SEPSECS: variants seen among roughly 807,000 people sequenced by gnomAD.
SEPSECS encodes Sep (O-phosphoserine) tRNA:Sec (selenocysteine) tRNA synthase, also known as O-phosphoseryl-tRNA(Sec) selenium transferase.
In SEPSECS, 42 loss-of-function variants were observed where a neutral mutation model predicts 52.1. That is an observed-to-expected ratio of 0.81 (90% CI 0.63 to 1.04). SEPSECS has a LOEUF of 1.04. SEPSECS is among the 50% of genes least tolerant of loss of function. SEPSECS has a pLI of 0.00. For synonymous variants in SEPSECS, 216 were observed against 211.4 expected (o/e 1.02, Z -0.19); for missense variants, 590 against 610.6 (o/e 0.97, Z 0.36).
chr4:25,127,231 G>T, intron 9 of SEPSECS, 33 bp downstream of exon 9: 1 of 1,364,432 alleles, frequency 7.3e-7, no homozygotes, highest in Non-Finnish European at 1.0e-6. Flanking sequence ...TGGATCATAA[G>T]TATTTGTTTT....
chr4:25,159,514 G>A (rs1298908156), intron 1 of SEPSECS: 2 of 418,214 alleles, frequency 4.8e-6, no homozygotes, highest in Non-Finnish European at 4.8e-6. Flanking sequence ...ACTCACGCCT[G>A]TAATCCGAGC....
At chr4:25,136,663 T>A (rs1285555952) in intron 8 of SEPSECS, among the ~76,000 whole-genome samples, 1 of 152,096 alleles carries the variant, frequency 6.6e-6, no homozygotes, top group Non-Finnish European at 1.5e-5. Context: ...GAGTCAATGT[T>A]ATTTTCATCA....
chr4:25,147,952 C>T (rs1712065558), intron 6 of SEPSECS, among the ~76,000 whole-genome samples: 1 of 152,152 alleles, frequency 6.6e-6, no homozygotes, highest in Non-Finnish European at 1.5e-5. Context: ...TTTGTAGCTA[C>T]AGGACCTTAG....
At chr4:25,157,693 C>T (rs371770894) in intron 2 of SEPSECS, among the ~76,000 whole-genome samples, 3 of 151,948 alleles carry the variant, frequency 2.0e-5, no homozygotes, top group Non-Finnish European at 2.9e-5. Flanking sequence ...TACAGGCGCC[C>T]GCCACCACGC....
Position 25,156,029 on chromosome 4 carries a change from T to G in SEPSECS, c.547+8A>C. On this transcript the variant is annotated splice_region_variant and intron_variant, in intron 4 of 10. Coordinates refer to ENST00000382103, the MANE Select transcript of SEPSECS (RefSeq NM_016955.4). ...TGTTTAAAACATTATGTATGACACT[T>G]CTCTTACCTGCAGTGATCATGGATT... The G allele has an allele frequency of 1.9e-6, 3 of 1,610,820 alleles. No individual in the cohort carries two copies. Among genetic ancestry groups the G allele is most frequent in the Non-Finnish European group, 2.5e-6 (3 of 1,177,064 alleles).
At chr4:25,142,236 C>A (rs946279253) in intron 8 of SEPSECS, among the ~76,000 whole-genome samples, 5 of 152,134 alleles carry the variant, frequency 3.3e-5, no homozygotes, top group African/African-American at 1.2e-4. Flanking sequence ...AAGATCACGC[C>A]ACTGCACTGC....
rs146350124 is a variant in SEPSECS, at chr4:25,129,685, T to C, written c.1027-2328A>G. On this transcript the variant is annotated intron_variant, in intron 8 of 10. Coordinates refer to ENST00000382103, the MANE Select transcript of SEPSECS (RefSeq NM_016955.4). ...GGATTACACCTGGCCCTGGTCCCTC[T>C]TTCTTAACCCAATATTCCCATACTA... Among the ~76,000 whole-genome samples, 301 of 152,072 alleles carry C rather than the reference T, an allele frequency of 2.0e-3. 1 individual carries two copies. Among genetic ancestry groups the C allele is most frequent in the South Asian group, 0.02 (95 of 4,816 alleles).
chr4:25,125,519 C>A, intron 10 of SEPSECS, 175 bp downstream of exon 10: 1 of 638,588 alleles, frequency 1.6e-6, no homozygotes, highest in African/African-American at 1.8e-5. Context: ...ATAAGCAGTC[C>A]ACAGGTGGGC....
At position 25,123,926 on chromosome 4, in the gene SEPSECS, G is replaced by A. The variant is rs370913126; in HGVS notation, c.*5C>T. On this transcript the variant is annotated 3_prime_UTR_variant, in exon 11 of 11. Coordinates refer to ENST00000382103, the MANE Select transcript of SEPSECS (RefSeq NM_016955.4). ...TCAAATGATCAAGAAGAAACCCTTC[G>A]CATGTCATGAAGAAGCATCCTGGTA... is the stretch of plus-strand genomic sequence containing the variant. 454 of 1,610,320 alleles carry A rather than the reference G, an allele frequency of 2.8e-4. No homozygotes were observed. The highest frequency in any genetic ancestry group is 3.7e-4 in the Non-Finnish European group (431 of 1,176,782).
At position 25,156,167 on chromosome 4, in the gene SEPSECS, T is replaced by C. The variant is rs761482006; in HGVS notation, c.417A>G (p.Val139=). 3.7e-6 allele frequency: 6 copies of C among 1,614,104 alleles called. No individual in the cohort carries two copies. The East Asian group carries it at 1.3e-4, about 36-fold the overall frequency. The change falls in exon 4 of 11, where the codon GTA becomes GTG. Residue 139 remains valine, a synonymous_variant. Coordinates refer to ENST00000382103, the MANE Select transcript of SEPSECS (RefSeq NM_016955.4). ...AGVHTVANCF[V]VPMATGMSLT... is the part of the protein sequence containing the mutation. Reference sequence around the variant, plus strand: ...GACTCATACCAGTTGCCATAGGAACTACAAAGCAGTTGGCTACTGTATGGA... The same window carrying C: ...GACTCATACCAGTTGCCATAGGAACCACAAAGCAGTTGGCTACTGTATGGA...
chr4:25,133,718 G>A (rs954212263), intron 8 of SEPSECS, among the ~76,000 whole-genome samples: 3 of 152,038 alleles, frequency 2.0e-5, no homozygotes, highest in African/African-American at 4.8e-5. Flanking sequence ...TATACAACAG[G>A]TAATCTCCAT....
At chr4:25,148,352 C>CAAAAAAA (rs34262935) in intron 6 of SEPSECS, among the ~76,000 whole-genome samples, 1 of 75,584 alleles carries the variant, frequency 1.3e-5, no homozygotes, top group Non-Finnish European at 2.3e-5. Context: ...GACTCCGTCT[C>CAAAAAAA]AAAAAAAAAA....
At position 25,123,596 on chromosome 4, in the gene SEPSECS, G is replaced by A. The variant is rs1728223807; in HGVS notation, c.*335C>T. 1 of 303,774 alleles carries A rather than the reference G, an allele frequency of 3.3e-6. No homozygotes were observed. The highest frequency in any genetic ancestry group is 2.2e-5 in the African/African-American group (1 of 46,352). 18.8% of individuals were successfully genotyped at this position (303,774 alleles called of 1,614,324 possible). A position where few individuals can be genotyped will look rare whatever the true frequency, so the allele number is the denominator to read the frequency against. On this transcript the variant is annotated 3_prime_UTR_variant, in exon 11 of 11. Transcript: ENST00000382103. ...AGAAACGGTAAAGAATGGTTAGGAG[G>A]AAGCACTCTACATTTCAAAGAGAAT...
chr4:25,156,479 C>T (rs1009353865), intron 3 of SEPSECS, among the ~76,000 whole-genome samples: 3 of 151,338 alleles, frequency 2.0e-5, no homozygotes, highest in African/African-American at 2.4e-5. Flanking sequence ...CCAAGGCGGG[C>T]GGATCACGAG....
In SEPSECS at chr4:25,121,658, C is replaced by G. The variant is rs1171403680; in HGVS notation, c.*2273G>C. On this transcript the variant is annotated 3_prime_UTR_variant, in exon 11 of 11. Coordinates refer to ENST00000382103, the MANE Select transcript of SEPSECS (RefSeq NM_016955.4). ...CAAAAACTCTTGTGAATTCTATGCC[C>G]TCAAATTTTAAGCCAGGAGGAATAG... is the stretch of plus-strand genomic sequence containing the variant. 6.6e-6 allele frequency: 1 copy of G among 152,118 alleles called. No homozygotes were observed. The highest frequency in any genetic ancestry group is 2.1e-4 in the South Asian group (1 of 4,832). The allele number at this position is 152,118 out of a possible 1,614,324, so 9.4% of individuals were successfully genotyped here.
In SEPSECS at chr4:25,151,822, G is replaced by T. The variant is rs1171327727; in HGVS notation, c.804+138C>A. 30 of 655,936 alleles carry T rather than the reference G, an allele frequency of 4.6e-5. No individual in the cohort carries two copies. The Admixed American group carries it at 6.3e-4, about 14-fold the overall frequency. 40.6% of individuals were successfully genotyped at this position (655,936 alleles called of 1,614,324 possible). Reference sequence around the variant, plus strand: ...GACTTTTATTGAGAGATTATCAGATGTAAGTTCCTAACACAACCTGAAGCA... The same window carrying T: ...GACTTTTATTGAGAGATTATCAGATTTAAGTTCCTAACACAACCTGAAGCA... On this transcript the variant is annotated intron_variant, in intron 6 of 10. Coordinates refer to ENST00000382103, the MANE Select transcript of SEPSECS (RefSeq NM_016955.4).
chr4:25,140,160 C>A (rs1729002455), intron 8 of SEPSECS, among the ~76,000 whole-genome samples: 1 of 152,194 alleles, frequency 6.6e-6, no homozygotes, highest in African/African-American at 2.4e-5. Flanking sequence ...GCCTGTGAAC[C>A]AGGCTAGCCA....
At chr4:25,137,364 C>T (rs114612856) in intron 8 of SEPSECS, among the ~76,000 whole-genome samples, 6,022 of 152,010 alleles carry the variant, frequency 0.04, 176 homozygotes, top group East Asian at 0.11. Context: ...AACAAATTTA[C>T]AAGAAAAAAA....
intron 6 of SEPSECS, among the ~76,000 whole-genome samples, chr4:25,147,643 A>G (rs2109024587): frequency 6.6e-6 from 1 of 152,262 alleles, no homozygotes; most frequent in East Asian, 1.9e-4. Context: ...ATTTTAGTAA[A>G]TATAAACAGA....
Sources: gnomAD v4.1 joint callset for allele counts (sites outside exome capture counted in the v4.1 genomes callset) on GRCh38, gnomAD v4.1.1 for gene constraint, MANE v1.5 for transcripts, NCBI Gene and HGNC (gene_info 2026-07-23, HGNC 2026-07-21) for gene names.